Variants in GRTP1 observed in about 807,000 individuals in gnomAD.
The protein encoded by GRTP1 is growth hormone-regulated TBC protein 1.
A neutral mutation model predicts 38.1 loss-of-function variants in GRTP1; 56 were observed. That is an observed-to-expected ratio of 1.47 (90% CI 1.19 to 1.84). GRTP1 has a LOEUF of 1.84. Among genes scored for constraint, GRTP1 ranks in the 40% most tolerant of loss-of-function variants. GRTP1 has a pLI of 0.00. For missense variants in GRTP1, 506 were observed against 453.9 expected, an observed-to-expected ratio of 1.11 and a Z score of -1.04; for synonymous variants, 217 against 189.5, an observed-to-expected ratio of 1.14 and a Z score of -1.19.
intron 5 of GRTP1, among the ~76,000 whole-genome samples, chr13:113,328,063 C>T (rs1016138586): frequency 1.2e-4 from 19 of 152,236 alleles, no homozygotes; most frequent in Admixed American, 7.2e-4. Flanking sequence ...CAGGCCCAGC[C>T]GGCGCAGCGG....
intron 2 of GRTP1, chr13:113,361,921 G>C (rs2043506686): frequency 6.6e-6 from 1 of 152,156 alleles, no homozygotes; most frequent in African/African-American, 2.4e-5. Context: ...GGCCAACGTG[G>C]GCAGATCCCT....
intron 5 of GRTP1, among the ~76,000 whole-genome samples, chr13:113,333,872 T>C (rs576171179): frequency 3.1e-3 from 445 of 143,786 alleles, no homozygotes; most frequent in Non-Finnish European, 5.0e-3. Context: ...TGTGTGTGTG[T>C]GTCCGAGGCT....
intron 4 of GRTP1, among the ~76,000 whole-genome samples, chr13:113,347,623 AGCGG>A (rs1566432686): frequency 1.6e-4 from 10 of 63,594 alleles, no homozygotes; most frequent in East Asian, 3.0e-4. Context: ...TGTGGCTGAG[AGCGG>A]ACCTGGGAGG....
At chr13:113,334,280 A>ACTGGCCCCCCCCCCCCCCCCCG (rs1202504022) in intron 5 of GRTP1, among the ~76,000 whole-genome samples, 1 of 142,484 alleles carries the variant, frequency 7.0e-6, no homozygotes, top group Non-Finnish European at 1.5e-5. Flanking sequence ...CACTGCCACG[A>ACTGGCCCCCCCCCCCCCCCCCG]CAGCCTCCCG....
At chr13:113,331,594 C>A (rs566509644) in intron 5 of GRTP1, among the ~76,000 whole-genome samples, 23 of 151,486 alleles carry the variant, frequency 1.5e-4, no homozygotes, top group African/African-American at 5.3e-4. Context: ...CCTTCTCAGA[C>A]GCAGCTCAGG....
chr13:113,328,750 G>A (rs1352824838), intron 5 of GRTP1, among the ~76,000 whole-genome samples: 1 of 152,194 alleles, frequency 6.6e-6, no homozygotes, highest in African/African-American at 2.4e-5. Context: ...TAGAATTCCT[G>A]GGCAGCCAAA....
chr13:113,343,738 C>CA lies in GRTP1; in HGVS notation c.562+1124dup, dbSNP rs1332291764. ...TGACACATGCCGTGTGCTCACCAGG[C>CA]AGGAGCTGGAGCCACACACCCCCAG... On this transcript the variant is annotated intron_variant, in intron 5 of 7. Coordinates refer to ENST00000375431, the MANE Select transcript of GRTP1 (RefSeq NM_024719.4). This position sits in a 1 kb window ranked among gnomAD's most constrained non-coding sequence, Gnocchi z 4.8. Among the ~76,000 whole-genome samples the CA allele has an allele frequency of 3.3e-5, 5 of 152,246 alleles. No individual in the cohort carries two copies. The highest frequency in any genetic ancestry group is 2.6e-4 in the Admixed American group (4 of 15,284).
intron 3 of GRTP1, among the ~76,000 whole-genome samples, chr13:113,354,796 G>A (rs1449912641): frequency 6.6e-6 from 1 of 152,180 alleles, no homozygotes; most frequent in Non-Finnish European, 1.5e-5. Context: ...CAAAGTGCTG[G>A]GATTACAGGC....
intron 4 of GRTP1, 71 bp from the exon 5 acceptor site, chr13:113,345,030 G>T: frequency 6.6e-7 from 1 of 1,513,146 alleles, no homozygotes. Flanking sequence ...CAATCATTCG[G>T]CTACAAACTA....
At position 113,349,956 on chromosome 13, in the gene GRTP1, C is replaced by T. The variant is rs2146409; in HGVS notation, c.465+893G>A. ...AAGCCAGCCACAACCCCTAGGAGCC[C>T]GTGAAGCACATGGCCTAAAATGCCA... On this transcript the variant is annotated intron_variant, in intron 4 of 7. Transcript: ENST00000375431. The surrounding 1 kb of genome is among the most constrained non-coding windows in gnomAD (Gnocchi z 5.0). Among the ~76,000 whole-genome samples, 50,170 of 151,942 alleles carry T rather than the reference C, an allele frequency of 0.33. 8,745 individuals are homozygous for T. The highest frequency in any genetic ancestry group is 0.6 in the East Asian group (3,068 of 5,146).
chr13:113,331,075 T>A (rs1252469744), intron 5 of GRTP1, among the ~76,000 whole-genome samples: 4 of 151,032 alleles, frequency 2.6e-5, no homozygotes, highest in Non-Finnish European at 5.9e-5. Flanking sequence ...GAAACCCAGG[T>A]GTGTGCACGG....
chr13:113,326,365 A>G (rs1312762956), intron 5 of GRTP1, among the ~76,000 whole-genome samples: 10 of 4,100 alleles, frequency 2.4e-3, no homozygotes, highest in African/African-American at 3.5e-3. Context: ...CTGCAGGTGG[A>G]GGGTGGCGCG....
rs754334716 is a variant in GRTP1 at position 113,355,357 on chromosome 13, C to G, written c.306G>C (p.Glu102Asp). ...PGYYHQLLQG[E>D]RNPRLEDAIR... The stretch of plus-strand genomic sequence containing the variant: ...TGGCGTCCTCCAGCCTGGGGTTTCT[C>G]TCTCCCTGGAGAAGCTGGTGGTAGT... Residue 102 changes from glutamate (E) to aspartate (D), a missense_variant, in exon 3 of 8, where the codon GAG becomes GAC. Coordinates refer to ENST00000375431, the MANE Select transcript of GRTP1 (RefSeq NM_024719.4). The G allele has an allele frequency of 7.0e-5, 113 of 1,614,014 alleles. No individual in the cohort carries two copies. Among genetic ancestry groups the G allele is most frequent in the Non-Finnish European group, 9.4e-5 (111 of 1,180,010 alleles).
Position 113,324,590 on chromosome 13 carries a change from CAGTT to C in GRTP1, c.922-17_922-14del, listed in dbSNP as rs138695944. ...CTGAAAATATTTTCTGGAAGGCAAA[CAGTT>C]AGTTTAAAAACAAACCCAACAACCC... is the stretch of plus-strand genomic sequence containing the variant. On this transcript the variant is annotated splice_polypyrimidine_tract_variant and intron_variant, in intron 7 of 7. Coordinates refer to ENST00000375431, the MANE Select transcript of GRTP1 (RefSeq NM_024719.4). 929 of 1,593,142 alleles carry C rather than the reference CAGTT, an allele frequency of 5.8e-4. No homozygotes were observed. Among genetic ancestry groups the C allele is most frequent in the Non-Finnish European group, 7.2e-4 (842 of 1,169,880 alleles).
chr13:113,324,667 G>T (rs1318781602), intron 7 of GRTP1, 90 bp from the exon 8 acceptor site: 17 of 1,510,874 alleles, frequency 1.1e-5, no homozygotes, highest in Middle Eastern at 3.4e-4. Flanking sequence ...GACAGGCCTC[G>T]TGTGAGGTGA....
chr13:113,350,658 G>T (rs1289504538), intron 4 of GRTP1, among the ~76,000 whole-genome samples, 191 bp downstream of exon 4: 5 of 152,132 alleles, frequency 3.3e-5, no homozygotes, highest in South Asian at 2.1e-4. Context: ...CCTGAGGCCG[G>T]AATGAGGTCG....
intron 5 of GRTP1, among the ~76,000 whole-genome samples, chr13:113,333,614 C>T (rs894891515): frequency 2.0e-5 from 3 of 152,066 alleles, no homozygotes; most frequent in Non-Finnish European, 4.4e-5. Context: ...AGACAATTCT[C>T]GTGCCTCAGC....
intron 2 of GRTP1, 94 bp from the exon 3 acceptor site, chr13:113,355,575 T>G: frequency 7.3e-7 from 1 of 1,366,864 alleles, no homozygotes; most frequent in Non-Finnish European, 9.7e-7. Context: ...ACCAGTTCTC[T>G]TCTTAAATCA....
At chr13:113,357,596 T>G (rs1385020390) in intron 2 of GRTP1, among the ~76,000 whole-genome samples, 1 of 152,194 alleles carries the variant, frequency 6.6e-6, no homozygotes, top group East Asian at 1.9e-4. Context: ...ATGTTTTGCT[T>G]TATTTTTAAA....
Sources: allele counts gnomAD v4.1 joint callset (sites outside exome capture counted in the v4.1 genomes callset), GRCh38; gene constraint gnomAD v4.1.1; non-coding constraint Gnocchi (gnomAD v3.1); transcripts MANE v1.5; gene names NCBI Gene and HGNC (gene_info 2026-07-23, HGNC 2026-07-21).